GOLPH3: variants seen among roughly 807,000 people sequenced by gnomAD.
The protein encoded by GOLPH3 is coat protein GPP34.
A neutral mutation model predicts 28.5 loss-of-function variants in GOLPH3; 14 were observed. That is an observed-to-expected ratio of 0.49 (90% CI 0.32 to 0.77). The LOEUF is 0.77. Among genes scored for constraint, GOLPH3 ranks in the 30% least tolerant of loss-of-function variants. The pLI is 0.03. For synonymous variants in GOLPH3, 158 were observed against 159.2 expected (o/e 0.99, Z 0.06); for missense variants, 350 against 393.7 (o/e 0.89, Z 0.94).
rs377128999 is a variant in GOLPH3 at position 32,149,053 on chromosome 5, CTGAG to C, written c.226-5177_226-5174del. 2.0e-3 allele frequency among the ~76,000 whole-genome samples: 312 copies of C among 152,290 alleles called. 2 individuals carry two copies. The highest frequency in any genetic ancestry group is 6.9e-3 in the African/African-American group (286 of 41,566). On this transcript the variant is annotated intron_variant, in intron 1 of 3. Coordinates refer to ENST00000265070, the MANE Select transcript of GOLPH3 (RefSeq NM_022130.4). ...AGGATGAACAAATTAAGTCTCCCTC[CTGAG>C]TATCTGAACTTGCCATACTGAATCA...
chr5:32,162,992 G>A (rs1746623629), intron 1 of GOLPH3, among the ~76,000 whole-genome samples: 1 of 152,124 alleles, frequency 6.6e-6, no homozygotes, highest in African/African-American at 2.4e-5. Flanking sequence ...GCAGGAGAAT[G>A]GCGTGAACCC....
chr5:32,164,504 C>T (rs1329678547), intron 1 of GOLPH3, among the ~76,000 whole-genome samples: 1 of 152,026 alleles, frequency 6.6e-6, no homozygotes, highest in Non-Finnish European at 1.5e-5. Flanking sequence ...CGCCATTCTC[C>T]TGCCTCAGCC....
chr5:32,139,283 G>A (rs1746005791), intron 2 of GOLPH3, among the ~76,000 whole-genome samples: 1 of 152,272 alleles, frequency 6.6e-6, no homozygotes, highest in Admixed American at 6.5e-5. Flanking sequence ...TAATCTGGGG[G>A]TGACATAAAG....
intron 1 of GOLPH3, among the ~76,000 whole-genome samples, chr5:32,156,957 T>G (rs1379365327): frequency 6.6e-6 from 1 of 152,160 alleles, no homozygotes; most frequent in Non-Finnish European, 1.5e-5. Flanking sequence ...ACCAGTAAAG[T>G]AACTAAATAA....
intron 1 of GOLPH3, among the ~76,000 whole-genome samples, chr5:32,168,905 G>A (rs1473383899): frequency 6.6e-6 from 1 of 152,000 alleles, no homozygotes; most frequent in Non-Finnish European, 1.5e-5. Context: ...GCTGCAGTGA[G>A]CTATGATCTC....
intron 1 of GOLPH3, among the ~76,000 whole-genome samples, chr5:32,161,802 C>T (rs938182061): frequency 7.3e-5 from 11 of 150,614 alleles, no homozygotes; most frequent in African/African-American, 2.7e-4. Flanking sequence ...CAGAGGCGGG[C>T]GGACCACGAG....
intron 2 of GOLPH3, among the ~76,000 whole-genome samples, chr5:32,142,665 A>C (rs1581543725): frequency 5.7e-5 from 6 of 104,466 alleles, no homozygotes; most frequent in African/African-American, 1.2e-4. Flanking sequence ...GTCAGCCCCC[A>C]AGCCCGGCCA....
At chr5:32,131,605 A>G (rs1476749655) in intron 3 of GOLPH3, among the ~76,000 whole-genome samples, 1 of 152,240 alleles carries the variant, frequency 6.6e-6, no homozygotes. Context: ...TAAATTATTC[A>G]CCATATATGT....
chr5:32,134,099 G>A (rs1745882908), intron 3 of GOLPH3, among the ~76,000 whole-genome samples: 1 of 152,164 alleles, frequency 6.6e-6, no homozygotes, highest in South Asian at 2.1e-4. Flanking sequence ...GACTGAGCAT[G>A]GTGATTCATG....
intron 3 of GOLPH3, 61 bp from the exon 4 acceptor site, chr5:32,126,697 T>G: frequency 2.3e-6 from 3 of 1,330,830 alleles, no homozygotes; most frequent in South Asian, 1.4e-5. Context: ...TTGCAAAAAT[T>G]TTGTACTATT....
At chr5:32,151,047 C>T (rs919025391) in intron 1 of GOLPH3, among the ~76,000 whole-genome samples, 3 of 152,100 alleles carry the variant, frequency 2.0e-5, no homozygotes, top group Middle Eastern at 6.8e-3. Context: ...GAGTGAAAAC[C>T]TTTATAATCT....
intron 3 of GOLPH3, among the ~76,000 whole-genome samples, chr5:32,128,696 A>C (rs774804333): frequency 6.6e-6 from 1 of 152,138 alleles, no homozygotes; most frequent in Non-Finnish European, 1.5e-5. Context: ...ATTAAAAACA[A>C]GTTGATCCAC....
At chr5:32,167,265 A>G (rs923480488) in intron 1 of GOLPH3, among the ~76,000 whole-genome samples, 13 of 152,154 alleles carry the variant, frequency 8.5e-5, no homozygotes, top group African/African-American at 3.1e-4. Flanking sequence ...TCCGCCTCTC[A>G]GGTTCAAGTG....
chr5:32,152,329 G>T (rs189243466), intron 1 of GOLPH3, among the ~76,000 whole-genome samples: 3 of 150,506 alleles, frequency 2.0e-5, no homozygotes, highest in Non-Finnish European at 4.4e-5. Flanking sequence ...GTTTCACTAC[G>T]TTGGCCAAGC....
intron 1 of GOLPH3, among the ~76,000 whole-genome samples, chr5:32,164,140 T>C (rs1746654168): frequency 6.6e-6 from 1 of 152,212 alleles, no homozygotes; most frequent in African/African-American, 2.4e-5. Context: ...CCTACTGAAC[T>C]ACAAGCCAAA....
At chr5:32,168,295 T>C (rs1035092140) in intron 1 of GOLPH3, among the ~76,000 whole-genome samples, 1 of 152,226 alleles carries the variant, frequency 6.6e-6, no homozygotes, top group African/African-American at 2.4e-5. Context: ...TCTTCATCAC[T>C]ATTATACTTC....
chr5:32,125,987 G>C lies in GOLPH3; in HGVS notation c.*225C>G, dbSNP rs1745668515. On this transcript the variant is annotated 3_prime_UTR_variant, in exon 4 of 4. Transcript: ENST00000265070. ...ACAGTGAGGATGGCAACAGGGAATGGAATGCCAATATGGCAGTAAAACTTT... is the reference window on the plus strand; with the variant it reads ...ACAGTGAGGATGGCAACAGGGAATGCAATGCCAATATGGCAGTAAAACTTT... The C allele has an allele frequency of 2.1e-6, 1 of 474,796 alleles. No individual in the cohort carries two copies. The highest frequency in any genetic ancestry group is 3.7e-6 in the Non-Finnish European group (1 of 270,840). The allele number at this position is 474,796 out of a possible 1,614,324, so 29.4% of individuals were successfully genotyped here. A position where few individuals can be genotyped will look rare whatever the true frequency, so the allele number is the denominator to read the frequency against.
intron 1 of GOLPH3, among the ~76,000 whole-genome samples, chr5:32,149,605 G>C (rs1412062171): frequency 6.6e-6 from 1 of 152,122 alleles, no homozygotes; most frequent in African/African-American, 2.4e-5. Context: ...AAAAGTTCTT[G>C]ACAAAAATAA....
At position 32,124,992 on chromosome 5, in the gene GOLPH3, T is replaced by TA. The variant is rs1745644505; in HGVS notation, c.*1219dup. On this transcript the variant is annotated 3_prime_UTR_variant, in exon 4 of 4. Coordinates refer to ENST00000265070, the MANE Select transcript of GOLPH3 (RefSeq NM_022130.4). Reference sequence around the variant, plus strand: ...ATACAATAAAGTGATAAAGAAATAGTAAAAATAAACTTTAAAAAGCAAAGG... The same window carrying TA: ...ATACAATAAAGTGATAAAGAAATAGTAAAAAATAAACTTTAAAAAGCAAAGG... 3 of 152,718 alleles carry TA rather than the reference T, an allele frequency of 2.0e-5. No individual in the cohort carries two copies. Among genetic ancestry groups the TA allele is most frequent in the African/African-American group, 7.2e-5 (3 of 41,560 alleles). 9.5% of individuals were successfully genotyped at this position (152,718 alleles called of 1,614,324 possible).
Sources: gnomAD v4.1 joint callset for allele counts (sites outside exome capture counted in the v4.1 genomes callset) on GRCh38, gnomAD v4.1.1 for gene constraint, MANE v1.5 for transcripts, NCBI Gene and HGNC (gene_info 2026-07-23, HGNC 2026-07-21) for gene names.